Variants in NKTR observed in about 807,000 individuals in gnomAD.
The protein encoded by NKTR is NK-tumor recognition protein.
NKTR carries 67 observed loss-of-function variants against 156.3 expected under a neutral mutation model. The ratio of observed to expected loss-of-function variants is 0.43; its 90% CI spans 0.35 to 0.53. NKTR has a LOEUF of 0.53. NKTR is among the 20% of genes least tolerant of loss of function. The probability of loss-of-function intolerance (pLI) is 0.01; values close to 1 mark genes in which losing one functional copy is unlikely to be tolerated. For synonymous variants in NKTR, 640 were observed against 596.6 expected, an observed-to-expected ratio of 1.07 and a Z score of -1.06; for missense variants, 1,604 against 1,730.9, an observed-to-expected ratio of 0.93 and a Z score of 1.30.
rs774045632 is a variant in NKTR, at chr3:42,645,984, G to A, written c.*9G>A. 1.0e-5 allele frequency: 16 copies of A among 1,596,060 alleles called. No individual in the cohort carries two copies. Among genetic ancestry groups the A allele is most frequent in the Middle Eastern group, 1.7e-4 (1 of 6,060 alleles). The stretch of plus-strand genomic sequence containing the variant: ...GCAGCAGATACAGTTGAAAACGTCC[G>A]GATACAAATTATATCTTATTTGTAA... On this transcript the variant is annotated 3_prime_UTR_variant, in exon 17 of 17. Transcript: ENST00000232978.
In NKTR at chr3:42,628,144, A is replaced by T. The variant is rs554797611; in HGVS notation, c.375-2402A>T. ...GTTAAATACTTTTAGTATTCTTAAT[A>T]TGTAATCTAATCCAATTAAAGTGCA... On this transcript the variant is annotated intron_variant, in intron 6 of 16. Transcript: ENST00000232978. The T allele has an allele frequency of 3.3e-4, 323 of 984,692 alleles. 4 individuals are homozygous for T. The Middle Eastern group carries it at 9.4e-3, about 29-fold the overall frequency. The allele number at this position is 984,692 out of a possible 1,614,324, so 61.0% of individuals were successfully genotyped here.
intron 6 of NKTR, among the ~76,000 whole-genome samples, chr3:42,622,069 A>G (rs931028583): frequency 1.3e-5 from 2 of 152,062 alleles, no homozygotes; most frequent in African/African-American, 4.8e-5. Flanking sequence ...GTCTCCATGC[A>G]TAATTGAAAT....
In NKTR at chr3:42,638,508, C is replaced by A. The variant is rs35770315; in HGVS notation, c.2804C>A (p.Ser935Ter). ...IHIKVKPTTK[S>*]STNTSLPDDN... The stretch of plus-strand genomic sequence containing the variant: ...ATCAAAGTCAAACCCACAACCAAGT[C>A]GTCCACAAATACTTCACTGCCTGAT... The change falls in exon 13 of 17, where the codon TCG becomes TAG. Residue 935 changes from serine (S) to a stop codon, truncating the protein, a stop_gained. Coordinates refer to ENST00000232978, the MANE Select transcript of NKTR (RefSeq NM_005385.4). LOFTEE classifies it high-confidence loss of function. 1 of 1,611,438 alleles carries A rather than the reference C, an allele frequency of 6.2e-7. No individual in the cohort carries two copies. Among genetic ancestry groups the A allele is most frequent in the South Asian group, 1.1e-5 (1 of 90,358 alleles).
chr3:42,613,160 C>T lies in NKTR; in HGVS notation c.59-4410C>T, dbSNP rs79090490. Among the ~76,000 whole-genome samples, 464 of 152,188 alleles carry T rather than the reference C, an allele frequency of 3.0e-3. 6 individuals are homozygous for T. The highest frequency in any genetic ancestry group is 9.7e-3 in the African/African-American group (403 of 41,498). ...CAGACCTAGGTTATATATAAGTGCC[C>T]TTAGTTCATACTAATGATAGCTCAT... On this transcript the variant is annotated intron_variant, in intron 2 of 16. Coordinates refer to ENST00000232978, the MANE Select transcript of NKTR (RefSeq NM_005385.4).
At chr3:42,608,690 A>T (rs982018076) in intron 2 of NKTR, among the ~76,000 whole-genome samples, 2 of 152,236 alleles carry the variant, frequency 1.3e-5, no homozygotes, top group Non-Finnish European at 2.9e-5. Context: ...AGTGAGGCTG[A>T]AAGTTACAGA....
At chr3:42,618,969 A>C in intron 3 of NKTR, 51 bp from the exon 4 acceptor site, 1 of 1,447,002 alleles carries the variant, frequency 6.9e-7, no homozygotes, top group Non-Finnish European at 9.4e-7. Context: ...TTTCCATGGA[A>C]GGATGTATAA....
intron 5 of NKTR, chr3:42,620,910 A>G (rs138927098): frequency 3.3e-6 from 3 of 922,986 alleles, no homozygotes; most frequent in East Asian, 2.3e-4. Context: ...GAGTATACAC[A>G]TACTTAATTT....
intron 2 of NKTR, chr3:42,601,995 G>A (rs1705538316): frequency 6.6e-6 from 1 of 152,164 alleles, no homozygotes; most frequent in Non-Finnish European, 1.5e-5. Flanking sequence ...AAGTTGGTCA[G>A]ACAAGGCCAT....
chr3:42,633,339 G>C, intron 9 of NKTR: 1 of 1,259,364 alleles, frequency 7.9e-7, no homozygotes, highest in Non-Finnish European at 1.0e-6. Flanking sequence ...ACAATGCCTG[G>C]CCTCCTGGAA....
At chr3:42,608,918 G>T (rs1706500961) in intron 2 of NKTR, among the ~76,000 whole-genome samples, 1 of 152,180 alleles carries the variant, frequency 6.6e-6, no homozygotes, top group Non-Finnish European at 1.5e-5. Flanking sequence ...TTGAGGTCAG[G>T]AGTTCCAGAC....
In NKTR at chr3:42,632,568, AG is replaced by A. The variant is rs774218708; in HGVS notation, c.551-32del. On this transcript the variant is annotated intron_variant, in intron 8 of 16. Transcript: ENST00000232978. ...ACTCTGAAAGGTAGGCACTGAATTTAGTACTAATGTTTTTATTAATGTTTCT... is the reference window on the plus strand; with the variant it reads ...ACTCTGAAAGGTAGGCACTGAATTTATACTAATGTTTTTATTAATGTTTCT... 2.7e-5 allele frequency: 36 copies of A among 1,345,056 alleles called. 1 individual carries two copies. The South Asian group carries it at 4.6e-4, about 17-fold the overall frequency. The allele number at this position is 1,345,056 out of a possible 1,614,324, so 83.3% of individuals were successfully genotyped here. A position where few individuals can be genotyped will look rare whatever the true frequency, so the allele number is the denominator to read the frequency against.
At chr3:42,632,336 G>A (rs1192030426) in intron 8 of NKTR, among the ~76,000 whole-genome samples, 1 of 151,938 alleles carries the variant, frequency 6.6e-6, no homozygotes, top group East Asian at 1.9e-4. Flanking sequence ...CTCCCACAGT[G>A]TTAGGATTAC....
At chr3:42,635,187 A>C (rs779148430) in intron 11 of NKTR, 34 bp from the exon 12 acceptor site, 4 of 1,591,490 alleles carry the variant, frequency 2.5e-6, no homozygotes, top group Non-Finnish European at 3.4e-6. Flanking sequence ...GTGGAGAGGC[A>C]TTTTTTAAAA....
intron 6 of NKTR, among the ~76,000 whole-genome samples, chr3:42,621,874 C>T (rs958070672): frequency 1.3e-5 from 2 of 151,830 alleles, no homozygotes; most frequent in African/African-American, 4.8e-5. Flanking sequence ...TGTTCATAGA[C>T]GAGTATTCAG....
Position 42,600,752 on chromosome 3 carries a change from G to T in NKTR, c.-50G>T. The T allele has an allele frequency of 2.9e-6, 1 of 346,156 alleles. No individual in the cohort carries two copies. The highest frequency in any genetic ancestry group is 5.2e-6 in the Non-Finnish European group (1 of 190,878). The allele number at this position is 346,156 out of a possible 1,614,324, so 21.4% of individuals were successfully genotyped here. ...CAGTGCTTTCTCTTCTGCTCACGGG[G>T]ACCCGCTCAGGCTGGAGGCCAGCCA... is the stretch of plus-strand genomic sequence containing the variant. On this transcript the variant is annotated 5_prime_UTR_variant, in exon 1 of 17. Coordinates refer to ENST00000232978, the MANE Select transcript of NKTR (RefSeq NM_005385.4).
Position 42,630,528 on chromosome 3 carries a change from TTGA to T in NKTR, c.375-15_375-13del. The T allele has an allele frequency of 6.2e-7, 1 of 1,613,726 alleles. No homozygotes were observed. The highest frequency in any genetic ancestry group is 8.5e-7 in the Non-Finnish European group (1 of 1,179,736). Reference sequence around the variant, plus strand: ...CATCGTGTTTGACATCATCTTTGTGTTGATGTTTATTACATAGTACCACAAAGC... The same window carrying T: ...CATCGTGTTTGACATCATCTTTGTGTTGTTTATTACATAGTACCACAAAGC... On this transcript the variant is annotated splice_polypyrimidine_tract_variant and intron_variant, in intron 6 of 16. Coordinates refer to ENST00000232978, the MANE Select transcript of NKTR (RefSeq NM_005385.4).
rs898513023 is a variant in NKTR, at chr3:42,618,662, G to A, written c.134-358G>A. Among the ~76,000 whole-genome samples, 4 of 152,006 alleles carry A rather than the reference G, an allele frequency of 2.6e-5. No homozygotes were observed. In the South Asian group the frequency reaches 6.2e-4, roughly 24 times the overall value. On this transcript the variant is annotated intron_variant, in intron 3 of 16. Coordinates refer to ENST00000232978, the MANE Select transcript of NKTR (RefSeq NM_005385.4). Reference sequence around the variant, plus strand: ...AGAATTTCACCCTGTTGGCCAAGCTGATTTCAAACTCCTGACCTCAAGTGA... The same window carrying A: ...AGAATTTCACCCTGTTGGCCAAGCTAATTTCAAACTCCTGACCTCAAGTGA...
rs377121653 is a variant in NKTR at position 42,639,376 on chromosome 3, G to A, written c.3672G>A (p.Lys1224=). Residue 1224 remains lysine, a synonymous_variant, in exon 13 of 17, where the codon AAG becomes AAA. Transcript: ENST00000232978. ...AGAGCCAGATCAACCTCATTGATAA[G>A]AAATGGAAGCCCCTGCAAGGTGTGG... The part of the protein sequence containing the change: ...AEKSQINLID[K]KWKPLQGVGN... 3.3e-5 allele frequency: 53 copies of A among 1,614,014 alleles called. No homozygotes were observed. The highest frequency in any genetic ancestry group is 4.2e-5 in the Non-Finnish European group (49 of 1,180,020).
chr3:42,634,893 T>C (rs1032829357), intron 11 of NKTR, 193 bp downstream of exon 11: 5 of 495,212 alleles, frequency 1.0e-5, no homozygotes, highest in Admixed American at 7.6e-5. Flanking sequence ...TAATTGAGTA[T>C]GAAAGGAGGA....
Sources: allele counts gnomAD v4.1 joint callset (sites outside exome capture counted in the v4.1 genomes callset), GRCh38; gene constraint gnomAD v4.1.1; transcripts MANE v1.5; gene names NCBI Gene and HGNC (gene_info 2026-07-23, HGNC 2026-07-21).